The following DIP2C variants were observed in gnomAD, a reference collection of about 807,000 sequenced individuals.
DIP2C encodes the protein DIP2 acetate--CoA ligase C (putative), also known as disco-interacting protein 2 homolog C.
A neutral mutation model predicts 192.4 loss-of-function variants in DIP2C; 33 were observed. The observed-to-expected ratio is 0.17, with a 90% CI of 0.13 to 0.23. DIP2C has a LOEUF of 0.23. Ranked by LOEUF, DIP2C falls within the 10% of genes least tolerant of loss-of-function variation. The pLI, the probability that DIP2C is intolerant of heterozygous loss-of-function variation, is 1.00. For missense variants in DIP2C, 1,537 were observed against 2,110.1 expected (o/e 0.73, Z 5.32); for synonymous variants, 979 against 864.1 (o/e 1.13, Z -2.33).
At chr10:577,399 T>C (rs1170593928) in intron 1 of DIP2C, among the ~76,000 whole-genome samples, 2 of 152,226 alleles carry the variant, frequency 1.3e-5, no homozygotes, top group East Asian at 3.8e-4. Flanking sequence ...CAGTACCCTT[T>C]CTATGTGGCC....
rs71199933 is a variant in DIP2C, at chr10:414,707, ATGTGTGTGTGTG to A, written c.860-609_860-598del. Among the ~76,000 whole-genome samples the A allele has an allele frequency of 3.9e-3, 185 of 47,828 alleles. 2 individuals are homozygous for A. The highest frequency in any genetic ancestry group is 0.016 in the African/African-American group (172 of 10,984). The allele number at this position is 47,828 out of a possible 152,430, so 31.4% of individuals were successfully genotyped here. A position where few individuals can be genotyped will look rare whatever the true frequency, so the allele number is the denominator to read the frequency against. ...CCAGCTAATTTTAGAGTGTGTATGT[ATGTGTGTGTGTG>A]TGTGTGTGTGTGTGTGTGTGTACAT... On this transcript the variant is annotated intron_variant, in intron 7 of 36. Coordinates refer to ENST00000280886, the MANE Select transcript of DIP2C (RefSeq NM_014974.3).
intron 3 of DIP2C, among the ~76,000 whole-genome samples, chr10:443,482 G>C (rs974819814): frequency 6.6e-6 from 1 of 152,190 alleles, no homozygotes; most frequent in African/African-American, 2.4e-5. Flanking sequence ...TGGAAGCTAA[G>C]ACTAGGAACC....
intron 1 of DIP2C, among the ~76,000 whole-genome samples, chr10:503,949 A>C (rs1845418010): frequency 6.6e-6 from 1 of 152,198 alleles, no homozygotes; most frequent in African/African-American, 2.4e-5. Context: ...TTCCACAGTA[A>C]TTATTTTACT....
At chr10:678,011 C>T (rs7916561) in intron 1 of DIP2C, among the ~76,000 whole-genome samples, 64 of 152,338 alleles carry the variant, frequency 4.2e-4, no homozygotes, top group African/African-American at 1.5e-3. Context: ...AGAGCATAGC[C>T]CGAAGGTGCC....
At chr10:559,326 G>GAACGCCGGGGA (rs1282821132) in intron 1 of DIP2C, among the ~76,000 whole-genome samples, 1 of 140,316 alleles carries the variant, frequency 7.1e-6, no homozygotes, top group African/African-American at 2.5e-5. Context: ...GGGCGGTGGG[G>GAACGCCGGGGA]AACGCCGGGG....
chr10:467,293 ACAC>A (rs1190626016), intron 3 of DIP2C, among the ~76,000 whole-genome samples: 1 of 150,484 alleles, frequency 6.6e-6, no homozygotes, highest in Non-Finnish European at 1.5e-5. Flanking sequence ...GAAAAACCAA[ACAC>A]CACATATTCT....
intron 1 of DIP2C, chr10:662,819 T>TG (rs753997313): frequency 1.4e-6 from 1 of 717,002 alleles, no homozygotes; most frequent in South Asian, 1.5e-5. Flanking sequence ...AGGCCTGCGA[T>TG]GGCTGTGGTT....
Position 363,365 on chromosome 10 carries a change from T to TCC in DIP2C, c.2478-56_2478-55dup. The TCC allele has an allele frequency of 6.7e-7, 1 of 1,497,314 alleles. No individual in the cohort carries two copies. Among genetic ancestry groups the TCC allele is most frequent in the Non-Finnish European group, 9.2e-7 (1 of 1,087,526 alleles). 92.8% of individuals were successfully genotyped at this position (1,497,314 alleles called of 1,614,324 possible). ...CGCGCCGGGGACGCTCATGCAGCCCTCCCTCCGCCATCAGGGGCTCCATAA... is the reference window on the plus strand; with the variant it reads ...CGCGCCGGGGACGCTCATGCAGCCCTCCCCCTCCGCCATCAGGGGCTCCATAA... On this transcript the variant is annotated intron_variant, in intron 20 of 36. Transcript: ENST00000280886. This position sits in a 1 kb window ranked among gnomAD's most constrained non-coding sequence, Gnocchi z 5.4.
rs1269665321 is a variant in DIP2C at position 390,256 on chromosome 10, T to G, written c.1494+8A>C. On this transcript the variant is annotated splice_region_variant and intron_variant, in intron 12 of 36. Coordinates refer to ENST00000280886, the MANE Select transcript of DIP2C (RefSeq NM_014974.3). ...CAGGGCCAGTGGAGGAGGCCAAGGC[T>G]GACTCACCTCAATATACGCAGTGTC... 1 of 1,613,802 alleles carries G rather than the reference T, an allele frequency of 6.2e-7. No homozygotes were observed.
chr10:594,461 T>C (rs1851580705), intron 1 of DIP2C, among the ~76,000 whole-genome samples: 1 of 151,100 alleles, frequency 6.6e-6, no homozygotes, highest in South Asian at 2.1e-4. Flanking sequence ...CATGGCCGAG[T>C]ACAAACCATT....
At position 324,816 on chromosome 10, in the gene DIP2C, C is replaced by T. The variant is rs144256281; in HGVS notation, c.3924+2190G>A. 1.6e-3 allele frequency: 700 copies of T among 440,026 alleles called. 10 individuals carry two copies. The highest frequency in any genetic ancestry group is 0.013 in the African/African-American group (635 of 49,704). 27.3% of individuals were successfully genotyped at this position (440,026 alleles called of 1,614,324 possible). A position where few individuals can be genotyped will look rare whatever the true frequency, so the allele number is the denominator to read the frequency against. Reference sequence around the variant, plus strand: ...TGGTGCCGAGGTAAGGACGGTGGCACGCTTCAGAAGCCTTGTGGAAAACAC... The same window carrying T: ...TGGTGCCGAGGTAAGGACGGTGGCATGCTTCAGAAGCCTTGTGGAAAACAC... On this transcript the variant is annotated intron_variant, in intron 31 of 36. Coordinates refer to ENST00000280886, the MANE Select transcript of DIP2C (RefSeq NM_014974.3).
Position 440,867 on chromosome 10 carries a change from T to G in DIP2C, c.394+4A>C. 1 of 1,611,500 alleles carries G rather than the reference T, an allele frequency of 6.2e-7. No individual in the cohort carries two copies. Among genetic ancestry groups the G allele is most frequent in the Non-Finnish European group, 8.5e-7 (1 of 1,179,454 alleles). ...GAGGCCGTGTCGGGGAGCGTGTCCC[T>G]TACCTGGAGGGGTGTAGGCGTCCAT... On this transcript the variant is annotated splice_donor_region_variant and intron_variant, in intron 4 of 36. Coordinates refer to ENST00000280886, the MANE Select transcript of DIP2C (RefSeq NM_014974.3).
chr10:326,272 C>G (rs2132437023), intron 31 of DIP2C, among the ~76,000 whole-genome samples: 2 of 152,240 alleles, frequency 1.3e-5, no homozygotes, highest in South Asian at 4.2e-4. Flanking sequence ...AGGTTCCCTC[C>G]TCTGACCTAG....
chr10:348,236 G>A (rs1204590369), intron 26 of DIP2C, among the ~76,000 whole-genome samples: 2 of 152,338 alleles, frequency 1.3e-5, no homozygotes, highest in Non-Finnish European at 2.9e-5. Context: ...AGCTGTAGAC[G>A]AAGGAAAACA....
chr10:329,593 G>C lies in DIP2C; in HGVS notation c.3593C>G (p.Ser1198Cys). ...FVLWCLCSVY[S>C]GHQSILIPPS... Reference sequence around the variant, plus strand: ...CGGGATCAGGATGGACTGGTGCCCAGAATACACACTGCAGAGAAAGAAGAG... The same window carrying C: ...CGGGATCAGGATGGACTGGTGCCCACAATACACACTGCAGAGAAAGAAGAG... The change falls in exon 30 of 37, where the codon TCT becomes TGT. Residue 1198 changes from serine to cysteine, a missense_variant. By Grantham distance (112) the Ser-to-Cys change is moderately radical. Around this residue, in one of 4 missense-constraint regions of DIP2C, gnomAD observed 341 missense variants for 551.7 expected, o/e 0.62. Transcript: ENST00000280886. The C allele has an allele frequency of 6.2e-7, 1 of 1,614,048 alleles. No individual in the cohort carries two copies. The highest frequency in any genetic ancestry group is 8.5e-7 in the Non-Finnish European group (1 of 1,179,972).
At chr10:372,087 T>G (rs534501263) in intron 17 of DIP2C, among the ~76,000 whole-genome samples, 18 of 151,428 alleles carry the variant, frequency 1.2e-4, no homozygotes, top group Admixed American at 1.2e-3. Context: ...TTTTTTTTTT[T>G]TTTTTTGAGA....
At chr10:559,584 GA>G (rs928811740) in intron 1 of DIP2C, among the ~76,000 whole-genome samples, 45 of 152,312 alleles carry the variant, frequency 3.0e-4, no homozygotes, top group African/African-American at 9.9e-4. Flanking sequence ...TTGGTGTCTG[GA>G]GAAAGCAGGA....
chr10:466,582 T>C (rs1970218070), intron 3 of DIP2C, among the ~76,000 whole-genome samples: 1 of 134,680 alleles, frequency 7.4e-6, no homozygotes, highest in Non-Finnish European at 1.6e-5. Context: ...CAAAAGAAAC[T>C]ACCATCAGAG....
chr10:454,317 TAACTA>T, intron 3 of DIP2C, among the ~76,000 whole-genome samples: 1 of 152,280 alleles, frequency 6.6e-6, no homozygotes, highest in Non-Finnish European at 1.5e-5. Context: ...ATAAATTGGT[TAACTA>T]AAATACATTT....
Sources: gnomAD v4.1 joint callset for allele counts (sites outside exome capture counted in the v4.1 genomes callset) on GRCh38, gnomAD v4.1.1 for gene constraint, gnomAD v4.1.1 regional missense constraint, Gnocchi (gnomAD v3.1) non-coding constraint, MANE v1.5 for transcripts, NCBI Gene and HGNC (gene_info 2026-07-23, HGNC 2026-07-21) for gene names.